ABCD3: variants seen among roughly 807,000 people sequenced by gnomAD.
ABCD3 encodes the protein ATP-binding cassette sub-family D member 3.
A neutral mutation model predicts 105.5 loss-of-function variants in ABCD3; 41 were observed. The ratio of observed to expected loss-of-function variants is 0.39; its 90% CI spans 0.30 to 0.50. The LOEUF (loss-of-function observed/expected upper bound fraction) is 0.50. ABCD3 is among the 20% of genes least tolerant of loss of function. The pLI is 0.84. For missense variants in ABCD3, 622 were observed against 806.3 expected (o/e 0.77, Z 2.77); for synonymous variants, 258 against 269.0 (o/e 0.96, Z 0.40).
chr1:94,411,679 C>G, the ABCD3 span, among the ~76,000 whole-genome samples: 3 of 152,078 alleles, frequency 2.0e-5, no homozygotes, highest in Non-Finnish European at 4.4e-5. Flanking sequence ...TATACCCCTC[C>G]CAATACATGT....
At chr1:94,491,361 A>G in intron 16 of ABCD3, 114 bp downstream of exon 16, 1 of 777,692 alleles carries the variant, frequency 1.3e-6, no homozygotes, top group South Asian at 1.7e-5. Flanking sequence ...CTGAATCCAC[A>G]GAATTGCTTT....
intron 10 of ABCD3, among the ~76,000 whole-genome samples, chr1:94,486,076 C>T (rs1245852044): frequency 3.3e-5 from 5 of 152,028 alleles, no homozygotes; most frequent in Non-Finnish European, 5.9e-5. Context: ...CCTATAATCC[C>T]AGCTACTCGG....
chr1:94,391,715 A>G, the ABCD3 span, among the ~76,000 whole-genome samples: 2 of 152,214 alleles, frequency 1.3e-5, no homozygotes, highest in African/African-American at 4.8e-5. Flanking sequence ...CTGATCACAC[A>G]TAATACATTC....
intron 2 of ABCD3, among the ~76,000 whole-genome samples, 178 bp from the exon 3 acceptor site, chr1:94,464,597 T>C (rs1458557478): frequency 6.6e-6 from 1 of 152,116 alleles, no homozygotes; most frequent in Non-Finnish European, 1.5e-5. Flanking sequence ...TTAGATAACA[T>C]TGTTTTCTCA....
At chr1:94,436,279 C>T (rs942094409) in intron 1 of ABCD3, among the ~76,000 whole-genome samples, 8 of 152,148 alleles carry the variant, frequency 5.3e-5, no homozygotes, top group African/African-American at 1.9e-4. Flanking sequence ...TCTGTATCTC[C>T]TTGTATCCCA....
intron 16 of ABCD3, among the ~76,000 whole-genome samples, chr1:94,495,994 G>A (rs1053094975): frequency 6.6e-6 from 1 of 152,144 alleles, no homozygotes; most frequent in Non-Finnish European, 1.5e-5. Flanking sequence ...TCATCTGAAC[G>A]ACTCTTTAAC....
Position 94,480,610 on chromosome 1 carries a change from A to G in ABCD3, c.827+4A>G, listed in dbSNP as rs776234740. The G allele has an allele frequency of 1.9e-6, 3 of 1,613,600 alleles. No individual in the cohort carries two copies. The highest frequency in any genetic ancestry group is 1.7e-6 in the Non-Finnish European group (2 of 1,179,648). ...ATTCTCGGCTCATCACAAACAGGTA[A>G]AGACAAATGCATTAAAGCCTTGCTA... On this transcript the variant is annotated splice_donor_region_variant and intron_variant, in intron 9 of 22. Coordinates refer to ENST00000370214, the MANE Select transcript of ABCD3 (RefSeq NM_002858.4).
intron 1 of ABCD3, among the ~76,000 whole-genome samples, chr1:94,426,505 A>G (rs1013756116): frequency 5.9e-5 from 9 of 151,612 alleles, no homozygotes; most frequent in Admixed American, 3.9e-4. Context: ...AGCTTTCACA[A>G]TGGTTTTCCC....
chr1:94,496,807 G>C (rs1483108221), intron 16 of ABCD3, among the ~76,000 whole-genome samples: 1 of 127,166 alleles, frequency 7.9e-6, no homozygotes, highest in Non-Finnish European at 1.6e-5. Flanking sequence ...TTGCTCTGTC[G>C]CCCAGGTTGG....
At chr1:94,494,487 C>T (rs1649700730) in intron 16 of ABCD3, among the ~76,000 whole-genome samples, 1 of 152,114 alleles carries the variant, frequency 6.6e-6, no homozygotes, top group South Asian at 2.1e-4. Context: ...TTAACATAGC[C>T]TTTCTATAAT....
rs770994734 is a variant in ABCD3, at chr1:94,468,019, A to G, written c.335+12A>G. ...ACACTAATTGAAAGGTACTTTTTCA[A>G]TCACCTTCCTCCTATATGTATGAAA... On this transcript the variant is annotated intron_variant, in intron 4 of 22. Coordinates refer to ENST00000370214, the MANE Select transcript of ABCD3 (RefSeq NM_002858.4). 1.6e-5 allele frequency: 26 copies of G among 1,577,332 alleles called. No individual in the cohort carries two copies. The highest frequency in any genetic ancestry group is 2.0e-5 in the Non-Finnish European group (23 of 1,146,918).
intron 1 of ABCD3, among the ~76,000 whole-genome samples, chr1:94,443,673 G>A (rs934787434): frequency 6.6e-6 from 1 of 152,138 alleles, no homozygotes; most frequent in Non-Finnish European, 1.5e-5. Flanking sequence ...GTGGTGAGAG[G>A]TAGGGGTCCA....
At chr1:94,504,396 A>G (rs1650252896) in intron 20 of ABCD3, among the ~76,000 whole-genome samples, 1 of 152,130 alleles carries the variant, frequency 6.6e-6, no homozygotes, top group East Asian at 1.9e-4. Flanking sequence ...GGGATTATAT[A>G]TGAAGTGCTT....
chr1:94,456,792 A>G (rs1334698654), intron 1 of ABCD3, among the ~76,000 whole-genome samples: 1 of 152,048 alleles, frequency 6.6e-6, no homozygotes, highest in Admixed American at 6.6e-5. Flanking sequence ...ATCATATGGT[A>G]GTTATGTTTT....
intron 3 of ABCD3, 36 bp downstream of exon 3, chr1:94,464,909 G>A: frequency 1.3e-6 from 2 of 1,537,546 alleles, no homozygotes; most frequent in South Asian, 1.1e-5. Flanking sequence ...AAGTATATTG[G>A]GCCGTTCTTT....
At chr1:94,465,006 A>G in intron 3 of ABCD3, 133 bp downstream of exon 3, 1 of 783,410 alleles carries the variant, frequency 1.3e-6, no homozygotes, top group Non-Finnish European at 2.1e-6. Flanking sequence ...ATGGCACAGC[A>G]TCTCCTCCAC....
chr1:94,456,698 T>C (rs759532105), intron 1 of ABCD3, among the ~76,000 whole-genome samples: 1 of 152,158 alleles, frequency 6.6e-6, no homozygotes, highest in Non-Finnish European at 1.5e-5. Context: ...TGAATAATGC[T>C]GCAGGGAACG....
At chr1:94,507,440 G>A (rs1295225151) in intron 21 of ABCD3, among the ~76,000 whole-genome samples, 7 of 152,072 alleles carry the variant, frequency 4.6e-5, no homozygotes, top group Admixed American at 6.5e-5. Flanking sequence ...GAATAATGCC[G>A]CAGTAAACAT....
chr1:94,409,688 C>T, the ABCD3 span, among the ~76,000 whole-genome samples: 15 of 152,248 alleles, frequency 9.9e-5, no homozygotes, highest in Non-Finnish European at 1.6e-4. Flanking sequence ...ATCATTGTGG[C>T]GTTTCTGACA....
Sources: allele counts gnomAD v4.1 joint callset (sites outside exome capture counted in the v4.1 genomes callset), GRCh38; gene constraint gnomAD v4.1.1; transcripts MANE v1.5; gene names NCBI Gene and HGNC (gene_info 2026-07-23, HGNC 2026-07-21).